The following MECR variants were observed in gnomAD, a reference collection of about 807,000 sequenced individuals.
MECR encodes the protein enoyl-[acyl-carrier-protein] reductase, mitochondrial.
In MECR, 37 loss-of-function variants were observed where a neutral mutation model predicts 49.1. The observed-to-expected ratio is 0.75, with a 90% CI of 0.58 to 0.99. MECR has a LOEUF of 0.99. Among genes scored for constraint, MECR ranks in the 50% least tolerant of loss-of-function variants. The pLI is 0.00. For missense variants in MECR, 470 were observed against 479.6 expected, an observed-to-expected ratio of 0.98 and a Z score of 0.19; for synonymous variants, 198 against 191.1, an observed-to-expected ratio of 1.04 and a Z score of -0.30.
intron 3 of MECR, among the ~76,000 whole-genome samples, chr1:29,215,152 G>A (rs557553897): frequency 4.7e-4 from 72 of 152,256 alleles, no homozygotes; most frequent in African/African-American, 1.6e-3. Context: ...TTTCTCACTC[G>A]TGCAATCCTC....
chr1:29,179,943 G>A, the MECR span, among the ~76,000 whole-genome samples: 1 of 152,168 alleles, frequency 6.6e-6, no homozygotes, highest in Non-Finnish European at 1.5e-5. Flanking sequence ...GTCATTTCCT[G>A]CACACTATCA....
In MECR at chr1:29,230,888, G is replaced by T; in HGVS notation, c.19C>A (p.Leu7Met). The T allele has an allele frequency of 6.2e-7, 1 of 1,608,232 alleles. No individual in the cohort carries two copies. The highest frequency in any genetic ancestry group is 8.5e-7 in the Non-Finnish European group (1 of 1,179,406). The change falls in exon 1 of 10, where the codon CTG becomes ATG. Residue 7 changes from leucine (L) to methionine (M), a missense_variant. Physicochemically the swap from Leu to Met is conservative, Grantham distance 15. Coordinates refer to ENST00000263702, the MANE Select transcript of MECR (RefSeq NM_016011.5). ...CGGGCGGGGGTTCGCACCCGCCACA[G>T]GGTACTGCAGACCCACATGCTCGCT... MWVCST[L>M]WRVRTPARQW...
intron 3 of MECR, among the ~76,000 whole-genome samples, chr1:29,210,900 C>T (rs1292434428): frequency 3.9e-5 from 6 of 152,152 alleles, no homozygotes; most frequent in Non-Finnish European, 5.9e-5. Flanking sequence ...ATGCCTAGTA[C>T]ACAGTGGGTG....
chr1:29,216,243 T>A, intron 2 of MECR, 107 bp from the exon 3 acceptor site: 1 of 1,372,870 alleles, frequency 7.3e-7, no homozygotes. Flanking sequence ...TGCTTTGGAC[T>A]GTCTGCCTAA....
chr1:29,220,984 G>T (rs970366535), intron 1 of MECR: 22 of 843,674 alleles, frequency 2.6e-5, no homozygotes, highest in Admixed American at 2.5e-4. Flanking sequence ...TCAAGTAAAC[G>T]TAATTCAACA....
chr1:29,227,016 T>C (rs957559779), intron 1 of MECR, among the ~76,000 whole-genome samples: 3 of 142,202 alleles, frequency 2.1e-5, no homozygotes, highest in Admixed American at 7.7e-5. Flanking sequence ...TGGAGTGCAG[T>C]GGTGTGGTGC....
chr1:29,205,225 C>T (rs1676289726), intron 4 of MECR, among the ~76,000 whole-genome samples: 1 of 152,106 alleles, frequency 6.6e-6, no homozygotes, highest in Admixed American at 6.6e-5. Context: ...TGCTCTGTTG[C>T]CCAGGCTGGA....
chr1:29,199,539 T>G (rs1674829320), intron 7 of MECR, among the ~76,000 whole-genome samples: 1 of 152,138 alleles, frequency 6.6e-6, no homozygotes, highest in Non-Finnish European at 1.5e-5. Flanking sequence ...GAAGCTTATA[T>G]TAAGGGAAAG....
the MECR span, among the ~76,000 whole-genome samples, chr1:29,178,926 T>C: frequency 1.3e-5 from 2 of 152,256 alleles, no homozygotes; most frequent in Non-Finnish European, 2.9e-5. Flanking sequence ...TGTGTGCTGT[T>C]TGGTGACTGT....
the MECR span, among the ~76,000 whole-genome samples, chr1:29,185,012 G>C: frequency 2.0e-5 from 3 of 151,422 alleles, no homozygotes; most frequent in South Asian, 6.3e-4. Flanking sequence ...TATAATCCCA[G>C]CTACTCGGGA....
intron 1 of MECR, among the ~76,000 whole-genome samples, chr1:29,225,078 G>C (rs1574511536): frequency 1.3e-5 from 2 of 152,210 alleles, no homozygotes; most frequent in African/African-American, 4.8e-5. Context: ...AGGGTAGCAG[G>C]GCTTGGCCCT....
chr1:29,167,887 T>C, the MECR span, among the ~76,000 whole-genome samples: 1 of 152,154 alleles, frequency 6.6e-6, no homozygotes, highest in Non-Finnish European at 1.5e-5. Flanking sequence ...CATTTTACAA[T>C]GAGAAACTGA....
rs1019789258 is a variant in MECR, at chr1:29,207,579, A to G, written c.407-674T>C. 2.8e-5 allele frequency among the ~76,000 whole-genome samples: 4 copies of G among 141,404 alleles called. No individual in the cohort carries two copies. The South Asian group carries it at 6.7e-4, about 24-fold the overall frequency. 92.8% of individuals were successfully genotyped at this position (141,404 alleles called of 152,430 possible). On this transcript the variant is annotated intron_variant, in intron 3 of 9. Coordinates refer to ENST00000263702, the MANE Select transcript of MECR (RefSeq NM_016011.5). ...ACATAGTGAGACCTTGTCTCTACAG[A>G]AAAAAAAAAAAAAAAAATTAGCTGG...
At chr1:29,230,403 T>G (rs1683136785) in intron 1 of MECR, 1 of 295,164 alleles carries the variant, frequency 3.4e-6, no homozygotes, top group Non-Finnish European at 6.4e-6. Flanking sequence ...GCCTCAGTTT[T>G]CATCTGCAAA....
At chr1:29,183,714 GCT>G in the MECR span, among the ~76,000 whole-genome samples, 1 of 152,068 alleles carries the variant, frequency 6.6e-6, no homozygotes, top group African/African-American at 2.4e-5. Context: ...AGGAAAATCA[GCT>G]CTTTGTCAAA....
At position 29,196,204 on chromosome 1, in the gene MECR, G is replaced by A. The variant is rs1405227519; in HGVS notation, c.885C>T (p.Ala295=). 1.2e-6 allele frequency: 2 copies of A among 1,614,076 alleles called. No individual in the cohort carries two copies. Among genetic ancestry groups the A allele is most frequent in the African/African-American group, 2.7e-5 (2 of 74,928 alleles). Residue 295 remains alanine (A), a synonymous_variant, in exon 8 of 10, where the codon GCC becomes GCT. Coordinates refer to ENST00000263702, the MANE Select transcript of MECR (RefSeq NM_016011.5). The stretch of plus-strand genomic sequence containing the variant: ...CCCTCTGCACCCAGCTTACCACAGA[G>A]GCTACGACGGGCTGCTTGGCCATCC... ...YGGMAKQPVV[A]SVSLLIFKDL...
intron 1 of MECR, among the ~76,000 whole-genome samples, chr1:29,226,774 G>A (rs1227476629): frequency 6.6e-6 from 1 of 151,844 alleles, no homozygotes. Flanking sequence ...AAACTGGAGT[G>A]TTTTGATTTT....
At chr1:29,227,205 C>T (rs769521960) in intron 1 of MECR, among the ~76,000 whole-genome samples, 112 of 151,880 alleles carry the variant, frequency 7.4e-4, no homozygotes, top group Non-Finnish European at 1.5e-3. Flanking sequence ...TCTGGTGATC[C>T]GCCCGCCTCG....
chr1:29,221,558 A>C (rs1239376766), intron 1 of MECR, among the ~76,000 whole-genome samples: 1 of 152,240 alleles, frequency 6.6e-6, no homozygotes, highest in Non-Finnish European at 1.5e-5. Flanking sequence ...AAATCTCTTA[A>C]ATAAGCGACA....
Sources: allele counts gnomAD v4.1 joint callset (sites outside exome capture counted in the v4.1 genomes callset), GRCh38; gene constraint gnomAD v4.1.1; transcripts MANE v1.5; gene names NCBI Gene and HGNC (gene_info 2026-07-23, HGNC 2026-07-21).